The following SELENOF variants were observed in gnomAD, a reference collection of about 807,000 sequenced individuals.
SELENOF encodes the protein 15 kDa selenoprotein.
SELENOF carries 16 observed loss-of-function variants against 20.5 expected under a neutral mutation model. That is an observed-to-expected ratio of 0.78 (90% CI 0.53 to 1.19). The LOEUF (loss-of-function observed/expected upper bound fraction) is 1.19, where lower values mean the gene tolerates loss of function less well. Among genes scored for constraint, SELENOF ranks in the 50% most tolerant of loss-of-function variants. The pLI is 0.00. For missense variants in SELENOF, 215 were observed against 194.2 expected (o/e 1.11, Z -0.64); for synonymous variants, 78 against 74.5 (o/e 1.05, Z -0.24).
chr1:86,911,121 C>G (rs920711456), intron 1 of SELENOF, among the ~76,000 whole-genome samples: 2 of 152,186 alleles, frequency 1.3e-5, no homozygotes, highest in African/African-American at 4.8e-5. Context: ...TTAAAGAAAA[C>G]TATGGAACGT....
Position 86,862,615 on chromosome 1 carries a change from G to A in SELENOF, c.*859C>T, listed in dbSNP as rs1382682344. 6.6e-6 allele frequency: 1 copy of A among 151,884 alleles called. No individual in the cohort carries two copies. The highest frequency in any genetic ancestry group is 1.5e-5 in the Non-Finnish European group (1 of 67,988). 9.4% of individuals were successfully genotyped at this position (151,884 alleles called of 1,614,324 possible). On this transcript the variant is annotated 3_prime_UTR_variant, in exon 5 of 5. Coordinates refer to ENST00000331835, the MANE Select transcript of SELENOF (RefSeq NM_004261.5). ...GATGTTATAAGTTTTAAATATTACA[G>A]CCATTTTTACATTTTGGCTAAAAAA...
intron 1 of SELENOF, among the ~76,000 whole-genome samples, chr1:86,909,581 G>C (rs1659923620): frequency 1.3e-5 from 2 of 152,170 alleles, no homozygotes; most frequent in South Asian, 4.1e-4. Flanking sequence ...AAATAAAAAT[G>C]GTCCCTGTAT....
At chr1:86,892,344 G>A (rs1157029058) in intron 2 of SELENOF, among the ~76,000 whole-genome samples, 1 of 152,060 alleles carries the variant, frequency 6.6e-6, no homozygotes, top group Non-Finnish European at 1.5e-5. Flanking sequence ...CCTTCTTTGT[G>A]AATAATGCTT....
intron 2 of SELENOF, among the ~76,000 whole-genome samples, chr1:86,894,951 A>T (rs1208416751): frequency 6.6e-6 from 1 of 152,190 alleles, no homozygotes; most frequent in East Asian, 1.9e-4. Flanking sequence ...TTTTCCTCCA[A>T]ATGCAATCTT....
At chr1:86,871,747 A>T (rs1312109982) in intron 3 of SELENOF, among the ~76,000 whole-genome samples, 1 of 152,246 alleles carries the variant, frequency 6.6e-6, no homozygotes. Flanking sequence ...TTTACAAATT[A>T]TAAGCAAAAT....
At chr1:86,883,620 A>G (rs1280179035) in intron 2 of SELENOF, among the ~76,000 whole-genome samples, 1 of 152,226 alleles carries the variant, frequency 6.6e-6, no homozygotes, top group Non-Finnish European at 1.5e-5. Flanking sequence ...TCTTTTGTTT[A>G]TAAGCCTTTA....
chr1:86,873,483 T>C (rs1658838445), intron 3 of SELENOF, among the ~76,000 whole-genome samples: 1 of 152,236 alleles, frequency 6.6e-6, no homozygotes, highest in Admixed American at 6.5e-5. Context: ...TCTGTTCTTT[T>C]TGGTATGGTG....
At chr1:86,888,635 T>C (rs1323341978) in intron 2 of SELENOF, among the ~76,000 whole-genome samples, 2 of 152,196 alleles carry the variant, frequency 1.3e-5, no homozygotes, top group African/African-American at 4.8e-5. Flanking sequence ...ACAACCACTA[T>C]TTGTCATAAA....
intron 4 of SELENOF, among the ~76,000 whole-genome samples, chr1:86,866,451 C>T (rs544212656): frequency 1.2e-4 from 14 of 114,392 alleles, no homozygotes; most frequent in African/African-American, 2.0e-4. Context: ...GGCAGGAGGG[C>T]GGGGGTGGTG....
upstream of SELENOF, chr1:86,914,217 A>T (rs909008325): frequency 5.3e-6 from 5 of 935,736 alleles, no homozygotes; most frequent in African/African-American, 8.1e-5. Context: ...TACATCTCTC[A>T]TTTGGAAGTG....
intron 1 of SELENOF, among the ~76,000 whole-genome samples, chr1:86,911,580 T>C (rs1456914206): frequency 6.6e-6 from 1 of 152,178 alleles, no homozygotes; most frequent in Non-Finnish European, 1.5e-5. Context: ...GGCAGATCAC[T>C]TGATGCACTG....
At position 86,871,425 on chromosome 1, in the gene SELENOF, A is replaced by G. The variant is rs78558677; in HGVS notation, c.317-3323T>C. On this transcript the variant is annotated intron_variant, in intron 3 of 4. Transcript: ENST00000331835. ...ACAGTCCTTCTTTTGACATAATACTAAAGGATTCAAAAGAATTTTCTCTTA... is the reference window on the plus strand; with the variant it reads ...ACAGTCCTTCTTTTGACATAATACTGAAGGATTCAAAAGAATTTTCTCTTA... 2.6e-5 allele frequency among the ~76,000 whole-genome samples: 4 copies of G among 152,314 alleles called. No individual in the cohort carries two copies. In the East Asian group the frequency reaches 7.7e-4, roughly 29 times the overall value.
chr1:86,903,280 C>T lies in SELENOF; in HGVS notation c.252+1G>A. On this transcript the variant is annotated splice_donor_variant, in intron 2 of 4. Transcript: ENST00000331835. LOFTEE classifies it high-confidence loss of function. ...GGAAGGAATATACTAGAAAACAGTA[C>T]CTTTTTGGTTTCAAATTGTGCTTCC... The T allele has an allele frequency of 6.2e-7, 1 of 1,606,834 alleles. No individual in the cohort carries two copies. The highest frequency in any genetic ancestry group is 1.3e-5 in the African/African-American group (1 of 74,846).
intron 2 of SELENOF, among the ~76,000 whole-genome samples, chr1:86,893,268 T>C (rs1659434407): frequency 6.6e-6 from 1 of 152,100 alleles, no homozygotes; most frequent in African/African-American, 2.4e-5. Context: ...CCTGGAGTAA[T>C]GTGCTAGCTC....
intron 3 of SELENOF, among the ~76,000 whole-genome samples, chr1:86,872,686 C>T (rs1302605875): frequency 6.6e-6 from 1 of 151,900 alleles, no homozygotes; most frequent in African/African-American, 2.4e-5. Context: ...GGGCAGATCA[C>T]CTGAGGTCGA....
At chr1:86,901,251 A>G (rs1170843542) in intron 2 of SELENOF, among the ~76,000 whole-genome samples, 1 of 152,206 alleles carries the variant, frequency 6.6e-6, no homozygotes, top group Non-Finnish European at 1.5e-5. Flanking sequence ...GTTATCCATG[A>G]TCATGTACCA....
intron 3 of SELENOF, among the ~76,000 whole-genome samples, chr1:86,870,915 G>A (rs1448336250): frequency 4.0e-5 from 6 of 151,338 alleles, no homozygotes; most frequent in Non-Finnish European, 8.8e-5. Context: ...CACTGTGCCC[G>A]GCCAGTAAAA....
intron 1 of SELENOF, among the ~76,000 whole-genome samples, chr1:86,910,997 C>T (rs908806105): frequency 3.3e-5 from 5 of 152,200 alleles, no homozygotes; most frequent in Non-Finnish European, 5.9e-5. Flanking sequence ...TTCACTTATA[C>T]ATCAAGTATA....
chr1:86,869,740 C>CTT (rs976939456), intron 3 of SELENOF, among the ~76,000 whole-genome samples: 1 of 149,612 alleles, frequency 6.7e-6, no homozygotes, highest in Non-Finnish European at 1.5e-5. Flanking sequence ...TCTTTCTTTT[C>CTT]TTTTCTTTCT....
Sources: allele counts gnomAD v4.1 joint callset (sites outside exome capture counted in the v4.1 genomes callset), GRCh38; gene constraint gnomAD v4.1.1; transcripts MANE v1.5; gene names NCBI Gene and HGNC (gene_info 2026-07-23, HGNC 2026-07-21).